Variants in GRIA2 observed in about 807,000 individuals in gnomAD.
GRIA2 encodes glutamate ionotropic receptor AMPA type subunit 2, also known as glutamate receptor 2.
Under a neutral mutation model 97.3 loss-of-function variants are expected in GRIA2, and 14 were observed. The observed-to-expected ratio is 0.14, with a 90% CI of 0.10 to 0.23. GRIA2 has a LOEUF of 0.23. Among genes scored for constraint, GRIA2 ranks in the 10% least tolerant of loss-of-function variants. The pLI, the probability that GRIA2 is intolerant of heterozygous loss-of-function variation, is 1.00. For synonymous variants in GRIA2, 412 were observed against 387.8 expected (o/e 1.06, Z -0.73); for missense variants, 558 against 1,069.8 (o/e 0.52, Z 6.67).
At chr4:157,327,610 G>A (rs999371697) in intron 6 of GRIA2, among the ~76,000 whole-genome samples, 10 of 151,912 alleles carry the variant, frequency 6.6e-5, no homozygotes, top group Non-Finnish European at 4.4e-5. Flanking sequence ...CTCCAACATC[G>A]TGTAAGGTAT....
At chr4:157,261,215 A>G (rs567141012) in intron 2 of GRIA2, among the ~76,000 whole-genome samples, 42 of 152,212 alleles carry the variant, frequency 2.8e-4, no homozygotes, top group Middle Eastern at 3.4e-3. Flanking sequence ...GTGCAGGGGA[A>G]CTTCTAAATA....
rs772771780 is a variant in GRIA2, at chr4:157,362,999, T to C, written c.2607T>C (p.Tyr869=). 1.2e-6 allele frequency: 2 copies of C among 1,613,344 alleles called. No individual in the cohort carries two copies. Among genetic ancestry groups the C allele is most frequent in the East Asian group, 4.5e-5 (2 of 44,848 alleles). Residue 869 remains tyrosine (Y), a synonymous_variant, in exon 15 of 16, where the codon TAT becomes TAC. Transcript: ENST00000264426. ...AGAATTCACAGAATTTTGCAACTTA[T>C]AAGGAAGGTTACAACGTATATGGCA... ...SSQNSQNFAT[Y]KEGYNVYGIE... is the part of the protein sequence containing the mutation.
chr4:157,325,193 C>T (rs1034846713), intron 6 of GRIA2, among the ~76,000 whole-genome samples: 2 of 151,846 alleles, frequency 1.3e-5, no homozygotes, highest in Non-Finnish European at 2.9e-5. Context: ...CCAAAGTTTT[C>T]AAATTAAAAT....
intron 12 of GRIA2, among the ~76,000 whole-genome samples, chr4:157,356,802 T>C (rs1736400531): frequency 6.6e-6 from 1 of 151,900 alleles, no homozygotes; most frequent in Non-Finnish European, 1.5e-5. Flanking sequence ...GAGGCTGGAG[T>C]GGATCCGATG....
chr4:157,239,120 C>T (rs984786019), intron 2 of GRIA2, among the ~76,000 whole-genome samples: 1 of 152,056 alleles, frequency 6.6e-6, no homozygotes, highest in Admixed American at 6.6e-5. Flanking sequence ...AGGCAAGAAC[C>T]ATGCCACATC....
intron 5 of GRIA2, among the ~76,000 whole-genome samples, chr4:157,318,281 G>A (rs1237192803): frequency 1.3e-5 from 2 of 151,680 alleles, no homozygotes; most frequent in Non-Finnish European, 2.9e-5. Context: ...TTAATTTTTA[G>A]CATATATAAT....
intron 12 of GRIA2, among the ~76,000 whole-genome samples, chr4:157,350,635 T>C (rs1219331637): frequency 1.3e-5 from 2 of 152,188 alleles, no homozygotes; most frequent in East Asian, 1.9e-4. Flanking sequence ...CACCATTGTC[T>C]ATTACTCTAT....
chr4:157,309,926 C>T (rs910329304), intron 3 of GRIA2, among the ~76,000 whole-genome samples: 12 of 152,042 alleles, frequency 7.9e-5, no homozygotes, highest in Non-Finnish European at 1.5e-4. Context: ...AGCACAGAGA[C>T]CCCCATCCAT....
chr4:157,273,098 T>A (rs1732108612), intron 2 of GRIA2, among the ~76,000 whole-genome samples: 1 of 152,034 alleles, frequency 6.6e-6, no homozygotes, highest in Admixed American at 6.6e-5. Flanking sequence ...AAATATACTA[T>A]AAGAAATATT....
In GRIA2 at chr4:157,348,344, T is replaced by A. The variant is rs138421615; in HGVS notation, c.2043+6882T>A. Among the ~76,000 whole-genome samples the A allele has an allele frequency of 1.8e-4, 28 of 152,112 alleles. No individual in the cohort carries two copies. The East Asian group carries it at 5.5e-3, about 30-fold the overall frequency. On this transcript the variant is annotated intron_variant, in intron 12 of 15. Transcript: ENST00000264426. ...ATGGCTCGCTGCAACCTCAACCTCC[T>A]GGCTTGAACTGATCCTCCTGAGTAG... is the stretch of plus-strand genomic sequence containing the variant.
Position 157,236,697 on chromosome 4 carries a change from G to A in GRIA2, c.229+14890G>A, listed in dbSNP as rs185214326. Reference sequence around the variant, plus strand: ...GTCTGTTTCTGCCTAATATCACAAGGTTAAATTTTTTAAAGCTTTGCTCTT... The same window carrying A: ...GTCTGTTTCTGCCTAATATCACAAGATTAAATTTTTTAAAGCTTTGCTCTT... On this transcript the variant is annotated intron_variant, in intron 2 of 15. Coordinates refer to ENST00000264426, the MANE Select transcript of GRIA2 (RefSeq NM_001083619.3). 3.1e-3 allele frequency among the ~76,000 whole-genome samples: 469 copies of A among 152,138 alleles called. 3 individuals are homozygous for A. Among genetic ancestry groups the A allele is most frequent in the African/African-American group, 0.011 (452 of 41,522 alleles).
rs1186158583 is a variant in GRIA2, at chr4:157,303,678, A to T, written c.356A>T (p.Asp119Val). ...TTCATCACTCCCAGCTTCCCAACAG[A>T]TGGCACACATCCATTTGTCATTCAG... ...VSFITPSFPTDGTHPFVIQMR... is the reference protein window; with the variant it reads ...VSFITPSFPTVGTHPFVIQMR... The change falls in exon 3 of 16, where the codon GAT (aspartate) becomes GTT (valine). Residue 119 changes from aspartate to valine, a missense_variant. Transcript: ENST00000264426. 1 of 1,614,076 alleles carries T rather than the reference A, an allele frequency of 6.2e-7. No individual in the cohort carries two copies. The highest frequency in any genetic ancestry group is 1.7e-5 in the Admixed American group (1 of 59,996).
chr4:157,360,744 G>T, intron 13 of GRIA2: 5 of 518,632 alleles, frequency 9.6e-6, no homozygotes, highest in African/African-American at 1.9e-5. Context: ...TTTGTTTGTT[G>T]TGGATGTGAG....
chr4:157,251,978 T>C, intron 2 of GRIA2, among the ~76,000 whole-genome samples: 1 of 152,146 alleles, frequency 6.6e-6, no homozygotes, highest in African/African-American at 2.4e-5. Flanking sequence ...TAGTTTGCCT[T>C]TTCCACTTTG....
At chr4:157,286,220 G>A (rs1186375243) in intron 2 of GRIA2, among the ~76,000 whole-genome samples, 2 of 151,374 alleles carry the variant, frequency 1.3e-5, no homozygotes, top group Non-Finnish European at 3.0e-5. Flanking sequence ...TCATACAGCT[G>A]TTATTCCCAG....
intron 5 of GRIA2, among the ~76,000 whole-genome samples, chr4:157,317,951 A>G (rs1363914933): frequency 3.9e-5 from 6 of 152,208 alleles, no homozygotes; most frequent in Middle Eastern, 3.4e-3. Flanking sequence ...ACTCCAGCCT[A>G]GTGACAAGAG....
intron 2 of GRIA2, among the ~76,000 whole-genome samples, chr4:157,274,085 G>T (rs1732163500): frequency 6.6e-6 from 1 of 152,032 alleles, no homozygotes; most frequent in Non-Finnish European, 1.5e-5. Context: ...AGTGTTGAGA[G>T]AAACAAAACC....
In GRIA2 at chr4:157,221,008, A is replaced by AT. The variant is rs1554004469; in HGVS notation, c.-35_-34insT. On this transcript the variant is annotated 5_prime_UTR_variant, in exon 1 of 16. The change creates a new upstream start codon in the 5' untranslated region. Coordinates refer to ENST00000264426, the MANE Select transcript of GRIA2 (RefSeq NM_001083619.3). ...GGAAGAGGAGGAAAAGGAAAAAAAA[A>AT]GGGGTATATTGTGGATGCTCTACTT... 3.0e-6 allele frequency: 3 copies of AT among 992,732 alleles called. No individual in the cohort carries two copies. The highest frequency in any genetic ancestry group is 3.2e-5 in the African/African-American group (2 of 62,546). The allele number at this position is 992,732 out of a possible 1,614,324, so 61.5% of individuals were successfully genotyped here.
Position 157,287,491 on chromosome 4 carries a change from G to A in GRIA2, c.230-16061G>A, listed in dbSNP as rs1732897719. Among the ~76,000 whole-genome samples the A allele has an allele frequency of 1.3e-5, 2 of 151,608 alleles. 1 individual carries two copies. Among genetic ancestry groups the A allele is most frequent in the South Asian group, 4.2e-4 (2 of 4,818 alleles). On this transcript the variant is annotated intron_variant, in intron 2 of 15. Transcript: ENST00000264426. ...ATCTGTTGGAATCCTAGGTGTCCTG[G>A]TTGGAGGGTATGTTTTGGTTTAGGG...
Sources: gnomAD v4.1 joint callset for allele counts (sites outside exome capture counted in the v4.1 genomes callset) on GRCh38, gnomAD v4.1.1 for gene constraint, MANE v1.5 for transcripts, NCBI Gene and HGNC (gene_info 2026-07-23, HGNC 2026-07-21) for gene names.